The following TRIM33 variants were observed in gnomAD, a reference collection of about 807,000 sequenced individuals.
TRIM33 encodes the protein E3 ubiquitin-protein ligase TRIM33.
TRIM33 carries 20 observed loss-of-function variants against 125.4 expected under a neutral mutation model. That is an observed-to-expected ratio of 0.16 (90% CI 0.11 to 0.23). The LOEUF (loss-of-function observed/expected upper bound fraction) is 0.23. Among genes scored for constraint, TRIM33 ranks in the 10% least tolerant of loss-of-function variants. The pLI is 1.00. For missense variants in TRIM33, 920 were observed against 1,411.4 expected, an observed-to-expected ratio of 0.65 and a Z score of 5.58; for synonymous variants, 564 against 513.9, an observed-to-expected ratio of 1.10 and a Z score of -1.32.
At position 114,396,595 on chromosome 1, in the gene TRIM33, AG is replaced by A. The variant is rs1409247902; in HGVS notation, c.*1052del. The A allele has an allele frequency of 1.0e-5, 2 of 199,838 alleles. No individual in the cohort carries two copies. Among genetic ancestry groups the A allele is most frequent in the African/African-American group, 4.6e-5 (2 of 43,468 alleles). 12.4% of individuals were successfully genotyped at this position (199,838 alleles called of 1,614,324 possible). On this transcript the variant is annotated 3_prime_UTR_variant, in exon 20 of 20. Coordinates refer to ENST00000358465, the MANE Select transcript of TRIM33 (RefSeq NM_015906.4). ...CAAATCCATTCTTGATAGGAACATTAGTAAGAATACACATTAGCTTAAAAAA... is the reference window on the plus strand; with the variant it reads ...CAAATCCATTCTTGATAGGAACATTATAAGAATACACATTAGCTTAAAAAA...
At chr1:114,458,072 G>A (rs1439049206) in intron 4 of TRIM33, among the ~76,000 whole-genome samples, 1 of 152,168 alleles carries the variant, frequency 6.6e-6, no homozygotes, top group Admixed American at 6.5e-5. Context: ...CCATATGTGG[G>A]CCAACCTAAC....
At chr1:114,482,010 C>T (rs1651392142) in intron 1 of TRIM33, among the ~76,000 whole-genome samples, 1 of 152,136 alleles carries the variant, frequency 6.6e-6, no homozygotes, top group East Asian at 1.9e-4. Context: ...ATCTGCCCAC[C>T]TCGGCCTCCC....
chr1:114,408,536 G>C (rs540879465), intron 13 of TRIM33, 141 bp downstream of exon 13: 1 of 557,854 alleles, frequency 1.8e-6, no homozygotes, highest in South Asian at 2.2e-5. Flanking sequence ...AAGTATAGAA[G>C]AAACAAGATT....
intron 1 of TRIM33, among the ~76,000 whole-genome samples, chr1:114,475,092 G>A (rs947350113): frequency 1.1e-4 from 17 of 151,878 alleles, no homozygotes; most frequent in African/African-American, 4.1e-4. Context: ...AAAACTGAAG[G>A]GAGACAAACA....
intron 11 of TRIM33, among the ~76,000 whole-genome samples, chr1:114,417,937 T>G (rs1462492075): frequency 6.6e-6 from 1 of 152,206 alleles, no homozygotes; most frequent in African/African-American, 2.4e-5. Context: ...ATTACAGGCG[T>G]GAGCCACTGC....
chr1:114,486,854 A>G (rs1651731716), intron 1 of TRIM33, among the ~76,000 whole-genome samples: 1 of 152,146 alleles, frequency 6.6e-6, no homozygotes, highest in Admixed American at 6.5e-5. Context: ...TGGGAGGCCA[A>G]GGCAGGTGGA....
intron 8 of TRIM33, among the ~76,000 whole-genome samples, chr1:114,426,701 T>A (rs2101164905): frequency 1.3e-5 from 2 of 152,248 alleles, no homozygotes; most frequent in Middle Eastern, 6.8e-3. Flanking sequence ...CATACTACGC[T>A]GTAACAAAAG....
At chr1:114,401,332 C>T (rs1204477857) in intron 17 of TRIM33, 57 bp downstream of exon 17, 2 of 1,466,496 alleles carry the variant, frequency 1.4e-6, no homozygotes, top group African/African-American at 2.8e-5. Context: ...CCGCCAGAGC[C>T]CATACTCTTA....
chr1:114,476,890 T>C (rs1341839937), intron 1 of TRIM33, among the ~76,000 whole-genome samples: 1 of 152,154 alleles, frequency 6.6e-6, no homozygotes, highest in Non-Finnish European at 1.5e-5. Flanking sequence ...GAGTAATGCT[T>C]AAAGAATAAA....
chr1:114,441,139 C>T (rs909990821), intron 4 of TRIM33, among the ~76,000 whole-genome samples: 3 of 152,130 alleles, frequency 2.0e-5, no homozygotes, highest in African/African-American at 7.2e-5. Flanking sequence ...GAGACCCTGT[C>T]TGGACAAAAC....
intron 4 of TRIM33, among the ~76,000 whole-genome samples, chr1:114,438,956 T>C (rs901089396): frequency 1.3e-5 from 2 of 152,116 alleles, no homozygotes; most frequent in South Asian, 4.1e-4. Flanking sequence ...GAGTAGGAAA[T>C]GTGAGCAACT....
chr1:114,478,303 T>C (rs527641658), intron 1 of TRIM33, among the ~76,000 whole-genome samples: 11 of 152,170 alleles, frequency 7.2e-5, no homozygotes, highest in East Asian at 3.9e-4. Context: ...GTAGAATCAA[T>C]TGGGGAGAGA....
At chr1:114,464,494 T>C (rs1035206264) in intron 1 of TRIM33, 106 bp from the exon 2 acceptor site, 1 of 608,224 alleles carries the variant, frequency 1.6e-6, no homozygotes, top group Non-Finnish European at 2.8e-6. Context: ...ACCAAAGAAA[T>C]GAGCATCAAG....
intron 1 of TRIM33, among the ~76,000 whole-genome samples, chr1:114,497,260 G>A (rs1652426559): frequency 6.6e-6 from 1 of 152,134 alleles, no homozygotes; most frequent in Admixed American, 6.5e-5. Context: ...GCGTGGCTGT[G>A]TTCAAATAAA....
intron 14 of TRIM33, 125 bp downstream of exon 14, chr1:114,406,816 T>C: frequency 3.3e-6 from 3 of 907,304 alleles, no homozygotes; most frequent in Non-Finnish European, 3.3e-6. Context: ...ATCTGGCTTG[T>C]GCCAGGCATG....
intron 16 of TRIM33, among the ~76,000 whole-genome samples, chr1:114,402,374 T>C (rs947456541): frequency 6.6e-6 from 1 of 152,176 alleles, no homozygotes; most frequent in Non-Finnish European, 1.5e-5. Flanking sequence ...AAGAAAATCA[T>C]ATTATAGTTA....
chr1:114,503,720 T>G (rs1337710921), intron 1 of TRIM33, among the ~76,000 whole-genome samples: 1 of 152,222 alleles, frequency 6.6e-6, no homozygotes, highest in East Asian at 1.9e-4. Context: ...TCCAAAATTC[T>G]AATTTTCATT....
intron 10 of TRIM33, among the ~76,000 whole-genome samples, chr1:114,423,410 T>C (rs1390809312): frequency 1.3e-5 from 2 of 152,180 alleles, no homozygotes; most frequent in African/African-American, 4.8e-5. Flanking sequence ...TTCCAGCGGA[T>C]TCATTTAAAA....
intron 16 of TRIM33, 45 bp downstream of exon 16, chr1:114,402,715 A>G: frequency 6.3e-7 from 1 of 1,593,220 alleles, no homozygotes; most frequent in Non-Finnish European, 8.5e-7. Context: ...ATATAGGCAG[A>G]CAACTACTGA....
Sources: allele counts gnomAD v4.1 joint callset (sites outside exome capture counted in the v4.1 genomes callset), GRCh38; gene constraint gnomAD v4.1.1; transcripts MANE v1.5; gene names NCBI Gene and HGNC (gene_info 2026-07-23, HGNC 2026-07-21).